Variants in ELP3 observed in about 807,000 individuals in gnomAD.
ELP3 encodes elongator acetyltransferase complex subunit 3.
ELP3 carries 56 observed loss-of-function variants against 74.9 expected under a neutral mutation model. The observed-to-expected ratio is 0.75, with a 90% CI of 0.60 to 0.93. The LOEUF is 0.93. ELP3 is among the 40% of genes least tolerant of loss of function. The pLI is 0.00. For missense variants in ELP3, 573 were observed against 686.5 expected (o/e 0.83, Z 1.85); for synonymous variants, 222 against 239.8 (o/e 0.93, Z 0.68).
intron 7 of ELP3, among the ~76,000 whole-genome samples, chr8:28,122,227 A>G (rs1338318931): frequency 1.3e-5 from 2 of 152,196 alleles, no homozygotes; most frequent in African/African-American, 4.8e-5. Flanking sequence ...GTCTGTGTTC[A>G]TACAGGGTGG....
upstream of ELP3, chr8:28,090,508 T>TGTGC: frequency 4.4e-6 from 1 of 228,000 alleles, no homozygotes; most frequent in Non-Finnish European, 8.8e-6. Flanking sequence ...TGTGTGTGTG[T>TGTGC]GTGTGTGTAT....
intron 9 of ELP3, among the ~76,000 whole-genome samples, chr8:28,136,152 G>T (rs188208792): frequency 1.9e-3 from 288 of 152,056 alleles, no homozygotes; most frequent in Non-Finnish European, 3.0e-3. Context: ...AGTAGAGATG[G>T]GGTTTCACCA....
chr8:28,183,242 G>C, intron 14 of ELP3: 1 of 461,350 alleles, frequency 2.2e-6, no homozygotes. Flanking sequence ...CACAGAAGCT[G>C]TTCACTCTAG....
At chr8:28,093,033 C>G (rs974409934), upstream of ELP3, 2 of 982,010 alleles carry the variant, frequency 2.0e-6, no homozygotes, top group Middle Eastern at 2.1e-4. Context: ...GCCTGCTACC[C>G]TGTTAGTTGC....
intron 9 of ELP3, among the ~76,000 whole-genome samples, chr8:28,134,578 G>T (rs946500657): frequency 1.2e-4 from 18 of 152,310 alleles, no homozygotes; most frequent in Middle Eastern, 3.4e-3. Flanking sequence ...AAACAGCTCA[G>T]TAGGAAAATG....
At chr8:28,098,350 A>G (rs1349744496) in intron 2 of ELP3, among the ~76,000 whole-genome samples, 1 of 152,132 alleles carries the variant, frequency 6.6e-6, no homozygotes, top group African/African-American at 2.4e-5. Flanking sequence ...AGATGCTGCA[A>G]TATTTTACCC....
chr8:28,174,173 T>G (rs1018337268), intron 14 of ELP3, among the ~76,000 whole-genome samples: 4 of 152,068 alleles, frequency 2.6e-5, no homozygotes, highest in Non-Finnish European at 4.4e-5. Flanking sequence ...AATTTTTTTA[T>G]TAATTGTTGA....
rs143728730 is a variant in ELP3 at position 28,156,049 on chromosome 8, CG to C, written c.1191+19del. 6.3e-7 allele frequency: 1 copy of C among 1,597,206 alleles called. No homozygotes were observed. The highest frequency in any genetic ancestry group is 8.6e-7 in the Non-Finnish European group (1 of 1,165,212). On this transcript the variant is annotated intron_variant, in intron 11 of 14. Coordinates refer to ENST00000256398, the MANE Select transcript of ELP3 (RefSeq NM_018091.6). The stretch of plus-strand genomic sequence containing the variant: ...GGAATACAGGTAAGAGCAAATATGG[CG>C]GTCAGGCCACAACTGTTGAGAAAAA...
rs1181086420 is a variant in ELP3, at chr8:28,129,627, A to C, written c.743A>C (p.Gln248Pro). The change falls in exon 8 of 15, where the codon CAG (glutamine) becomes CCG (proline). Residue 248 changes from glutamine (Q) to proline (P), a missense_variant. Gln to Pro is a moderately conservative substitution (Grantham distance 76). Transcript: ENST00000256398. ...YGCTRLEIGV[Q>P]SVYEDVARDT... ...TGCACAAGGCTGGAGATTGGGGTGC[A>C]GAGTGTTTATGAAGATGTGGCTAGA... 1 of 1,614,196 alleles carries C rather than the reference A, an allele frequency of 6.2e-7. No homozygotes were observed. Among genetic ancestry groups the C allele is most frequent in the Non-Finnish European group, 8.5e-7 (1 of 1,180,024 alleles).
intron 10 of ELP3, among the ~76,000 whole-genome samples, chr8:28,139,533 CAGTG>C (rs1209907359): frequency 2.6e-5 from 4 of 152,264 alleles, no homozygotes; most frequent in South Asian, 4.1e-4. Context: ...TCAGAAAAAA[CAGTG>C]GGTGGTTATT....
At chr8:28,148,250 A>G (rs1375977806) in intron 10 of ELP3, among the ~76,000 whole-genome samples, 2 of 152,192 alleles carry the variant, frequency 1.3e-5, no homozygotes, top group African/African-American at 4.8e-5. Flanking sequence ...ATCAGTCAAT[A>G]TGAGACTAGT....
chr8:28,179,817 A>G (rs1031912530), intron 14 of ELP3, among the ~76,000 whole-genome samples: 3 of 152,178 alleles, frequency 2.0e-5, no homozygotes, highest in Non-Finnish European at 4.4e-5. Context: ...ACTGCTCCTC[A>G]GGCAGTAATG....
At chr8:28,148,345 A>G (rs914983976) in intron 10 of ELP3, among the ~76,000 whole-genome samples, 1 of 152,218 alleles carries the variant, frequency 6.6e-6, no homozygotes, top group African/African-American at 2.4e-5. Context: ...AAAGGGGGAA[A>G]TGGTGACCAT....
At chr8:28,109,060 G>T (rs1811810100) in intron 5 of ELP3, among the ~76,000 whole-genome samples, 1 of 152,186 alleles carries the variant, frequency 6.6e-6, no homozygotes, top group Admixed American at 6.5e-5. Context: ...GAAGCATGAG[G>T]CTGGGAGTGC....
chr8:28,133,938 CT>C (rs1331903648), intron 9 of ELP3, among the ~76,000 whole-genome samples: 1 of 152,018 alleles, frequency 6.6e-6, no homozygotes, highest in African/African-American at 2.4e-5. Context: ...CTGAAACACA[CT>C]TTTTATTATC....
intron 10 of ELP3, among the ~76,000 whole-genome samples, chr8:28,142,725 G>T (rs1400709441): frequency 1.3e-5 from 2 of 152,304 alleles, no homozygotes; most frequent in African/African-American, 4.8e-5. Context: ...AGTTAACTGT[G>T]AATATGATCA....
At chr8:28,182,551 G>A (rs149966205) in intron 14 of ELP3, among the ~76,000 whole-genome samples, 2 of 152,238 alleles carry the variant, frequency 1.3e-5, no homozygotes, top group African/African-American at 4.8e-5. Flanking sequence ...ACAAGAGAGA[G>A]ACTTCGTCTC....
At chr8:28,175,445 T>A (rs1814705741) in intron 14 of ELP3, among the ~76,000 whole-genome samples, 2 of 152,238 alleles carry the variant, frequency 1.3e-5, no homozygotes, top group African/African-American at 4.8e-5. Context: ...TTTACTATCA[T>A]ACATCTCTGT....
intron 7 of ELP3, among the ~76,000 whole-genome samples, chr8:28,115,826 T>C (rs140004569): frequency 8.5e-5 from 13 of 152,310 alleles, no homozygotes; most frequent in African/African-American, 3.1e-4. Context: ...TTGAAGATCT[T>C]GGAAGGAATA....
Sources: gnomAD v4.1 joint callset for allele counts (sites outside exome capture counted in the v4.1 genomes callset) on GRCh38, gnomAD v4.1.1 for gene constraint, MANE v1.5 for transcripts, NCBI Gene and HGNC (gene_info 2026-07-23, HGNC 2026-07-21) for gene names.